The following LRRTM4 variants were observed in gnomAD, a reference collection of about 807,000 sequenced individuals.
LRRTM4 encodes the protein leucine-rich repeat transmembrane neuronal protein 4.
Under a neutral mutation model 47.6 loss-of-function variants are expected in LRRTM4, and 25 were observed. The ratio of observed to expected loss-of-function variants is 0.53; its 90% CI spans 0.38 to 0.73. LRRTM4 has a LOEUF of 0.73. Ranked by LOEUF, LRRTM4 falls within the 30% of genes least tolerant of loss-of-function variation. LRRTM4 has a pLI of 0.00. For missense variants in LRRTM4, 638 were observed against 713.4 expected, an observed-to-expected ratio of 0.89 and a Z score of 1.20; for synonymous variants, 311 against 269.5, an observed-to-expected ratio of 1.15 and a Z score of -1.51.
At chr2:77,267,910 A>G (rs1420679269) in intron 3 of LRRTM4, among the ~76,000 whole-genome samples, 1 of 152,110 alleles carries the variant, frequency 6.6e-6, no homozygotes, top group Non-Finnish European at 1.5e-5. Flanking sequence ...AAACAACACT[A>G]AAAATGTCCT....
At chr2:76,892,514 T>G (rs985750) in intron 3 of LRRTM4, among the ~76,000 whole-genome samples, 1 of 151,472 alleles carries the variant, frequency 6.6e-6, no homozygotes, top group Non-Finnish European at 1.5e-5. Flanking sequence ...TCCTAATTTA[T>G]GCTTTCTGAA....
rs188935443 is a variant in LRRTM4 at position 76,905,777 on chromosome 2, G to A, written c.1552-156861C>T. Among the ~76,000 whole-genome samples the A allele has an allele frequency of 3.0e-4, 45 of 152,068 alleles. No individual in the cohort carries two copies. In the East Asian group the frequency reaches 4.5e-3, roughly 15 times the overall value. On this transcript the variant is annotated intron_variant, in intron 3 of 3. Transcript: ENST00000409884. ...GAAGATGAAATGAATGAAATGAAGC[G>A]AGAAGGCAAGTTTAGAGAAAAAAGA...
chr2:76,934,852 G>A (rs1674888722), intron 3 of LRRTM4, among the ~76,000 whole-genome samples: 1 of 151,788 alleles, frequency 6.6e-6, no homozygotes, highest in Admixed American at 6.6e-5. Context: ...AAACATAGAA[G>A]GTATTCAGCA....
intron 3 of LRRTM4, among the ~76,000 whole-genome samples, chr2:76,998,845 G>C (rs755015208): frequency 6.7e-6 from 1 of 149,030 alleles, no homozygotes; most frequent in African/African-American, 2.5e-5. Flanking sequence ...GCCCCTTTGT[G>C]GTTATGACTC....
chr2:77,052,206 C>G (rs1472510798), intron 3 of LRRTM4, among the ~76,000 whole-genome samples: 1 of 132,772 alleles, frequency 7.5e-6, no homozygotes, highest in Non-Finnish European at 1.5e-5. Flanking sequence ...TCTTGTTGCC[C>G]AGGCTGGAGT....
At chr2:76,844,646 A>G (rs1671786856) in intron 3 of LRRTM4, among the ~76,000 whole-genome samples, 1 of 152,198 alleles carries the variant, frequency 6.6e-6, no homozygotes, top group Non-Finnish European at 1.5e-5. Context: ...ATGAAATTTA[A>G]AACTACTGAG....
intron 3 of LRRTM4, among the ~76,000 whole-genome samples, chr2:76,890,656 A>G (rs1673222189): frequency 6.6e-6 from 1 of 152,026 alleles, no homozygotes; most frequent in Non-Finnish European, 1.5e-5. Flanking sequence ...GTAAATACTC[A>G]TGTTTCTCTA....
intron 3 of LRRTM4, among the ~76,000 whole-genome samples, chr2:77,313,966 A>T (rs1026811963): frequency 1.3e-5 from 2 of 152,236 alleles, no homozygotes; most frequent in Admixed American, 6.5e-5. Context: ...GACACGTTGC[A>T]ATGGGAATCA....
At chr2:77,099,263 A>C (rs536319184) in intron 3 of LRRTM4, among the ~76,000 whole-genome samples, 1 of 152,076 alleles carries the variant, frequency 6.6e-6, no homozygotes, top group East Asian at 1.9e-4. Flanking sequence ...CTATGTTTTC[A>C]TGATTGTCTA....
Position 77,103,698 on chromosome 2 carries a change from G to A in LRRTM4, c.1552-354782C>T, listed in dbSNP as rs554037546. Among the ~76,000 whole-genome samples the A allele has an allele frequency of 4.5e-4, 60 of 132,142 alleles. 1 individual carries two copies. Among genetic ancestry groups the A allele is most frequent in the African/African-American group, 1.8e-3 (58 of 31,382 alleles). The allele number at this position is 132,142 out of a possible 152,430, so 86.7% of individuals were successfully genotyped here. A position where few individuals can be genotyped will look rare whatever the true frequency, so the allele number is the denominator to read the frequency against. On this transcript the variant is annotated intron_variant, in intron 3 of 3. Coordinates refer to ENST00000409884, the MANE Select transcript of LRRTM4 (RefSeq NM_001134745.3). The stretch of plus-strand genomic sequence containing the variant: ...ATCACATATATGTATATATACATAG[G>A]CATACATAAAATAAAAGATTAGGTA...
At chr2:77,055,307 C>A (rs1013647589) in intron 3 of LRRTM4, among the ~76,000 whole-genome samples, 1 of 152,202 alleles carries the variant, frequency 6.6e-6, no homozygotes, top group Admixed American at 6.5e-5. Context: ...ACATGCCCAA[C>A]CTCTAGTAGA....
intron 3 of LRRTM4, among the ~76,000 whole-genome samples, chr2:76,907,910 A>T (rs1046478314): frequency 6.8e-6 from 1 of 147,518 alleles, no homozygotes; most frequent in Non-Finnish European, 1.5e-5. Context: ...ATTCTACCAG[A>T]GGTACAAGGA....
intron 3 of LRRTM4, among the ~76,000 whole-genome samples, chr2:77,309,284 C>G (rs1023318704): frequency 8.5e-5 from 13 of 152,084 alleles, no homozygotes; most frequent in Non-Finnish European, 1.9e-4. Flanking sequence ...ATGTTTGGCT[C>G]TCCCTCCTGT....
chr2:77,118,979 C>G (rs1037368380), intron 3 of LRRTM4, among the ~76,000 whole-genome samples: 5 of 151,810 alleles, frequency 3.3e-5, no homozygotes, highest in African/African-American at 1.2e-4. Flanking sequence ...TGGGATTACT[C>G]TATGCAGAAC....
chr2:76,908,111 C>T lies in LRRTM4; in HGVS notation c.1552-159195G>A, dbSNP rs564758107. Reference sequence around the variant, plus strand: ...AATCCTCAATAAAATACTGGCAAACCGAATCCAGCAGCACATCAAAAAGCT... The same window carrying T: ...AATCCTCAATAAAATACTGGCAAACTGAATCCAGCAGCACATCAAAAAGCT... On this transcript the variant is annotated intron_variant, in intron 3 of 3. Transcript: ENST00000409884. 4.6e-3 allele frequency among the ~76,000 whole-genome samples: 692 copies of T among 150,620 alleles called. 10 individuals carry two copies. The highest frequency in any genetic ancestry group is 0.016 in the African/African-American group (642 of 40,866).
At chr2:77,114,716 G>A (rs979366977) in intron 3 of LRRTM4, among the ~76,000 whole-genome samples, 1 of 152,134 alleles carries the variant, frequency 6.6e-6, no homozygotes, top group East Asian at 1.9e-4. Flanking sequence ...CTCCGGGGGT[G>A]TCATCACATA....
chr2:76,927,513 T>G (rs1445483971), intron 3 of LRRTM4, among the ~76,000 whole-genome samples: 3 of 152,118 alleles, frequency 2.0e-5, no homozygotes, highest in Admixed American at 2.0e-4. Flanking sequence ...TGGTAGATGT[T>G]GGTTCTCGGA....
chr2:76,795,102 C>T (rs1375652167), intron 3 of LRRTM4, among the ~76,000 whole-genome samples: 1 of 151,710 alleles, frequency 6.6e-6, no homozygotes, highest in African/African-American at 2.4e-5. Flanking sequence ...ATATGACATG[C>T]TCAATACCGA....
chr2:76,770,974 T>G (rs75516485), intron 3 of LRRTM4, among the ~76,000 whole-genome samples: 382 of 152,316 alleles, frequency 2.5e-3, no homozygotes, highest in African/African-American at 8.8e-3. Context: ...ATACAATCGT[T>G]AGAAAAGATC....
Sources: gnomAD v4.1 joint callset for allele counts (sites outside exome capture counted in the v4.1 genomes callset) on GRCh38, gnomAD v4.1.1 for gene constraint, MANE v1.5 for transcripts, NCBI Gene and HGNC (gene_info 2026-07-23, HGNC 2026-07-21) for gene names.